Variants in FER observed in about 807,000 individuals in gnomAD.
The protein encoded by FER is tyrosine-protein kinase Fer.
FER carries 63 observed loss-of-function variants against 111.0 expected under a neutral mutation model. The ratio of observed to expected loss-of-function variants is 0.57; its 90% CI spans 0.46 to 0.70. FER has a LOEUF of 0.70. FER is among the 30% of genes least tolerant of loss of function. The pLI, the probability that FER is intolerant of heterozygous loss-of-function variation, is 0.00. For synonymous variants in FER, 327 were observed against 313.9 expected (o/e 1.04, Z -0.44); for missense variants, 914 against 954.0 (o/e 0.96, Z 0.55).
intron 13 of FER, among the ~76,000 whole-genome samples, chr5:109,003,441 G>A (rs1199537847): frequency 6.6e-6 from 1 of 152,098 alleles, no homozygotes. Context: ...ACAGGAAGGG[G>A]AACATCACAC....
At chr5:108,992,117 G>C (rs951183186) in intron 13 of FER, among the ~76,000 whole-genome samples, 1 of 152,026 alleles carries the variant, frequency 6.6e-6, no homozygotes, top group Non-Finnish European at 1.5e-5. Flanking sequence ...GTTTAACAAA[G>C]CACATCTTGC....
chr5:109,068,308 C>T (rs1267406570), intron 16 of FER, among the ~76,000 whole-genome samples: 2 of 151,966 alleles, frequency 1.3e-5, no homozygotes, highest in East Asian at 1.9e-4. Context: ...CTCAGCCTCC[C>T]GAGTAGCTGG....
rs182932313 is a variant in FER at position 108,935,475 on chromosome 5, C to T, written c.1237-10655C>T. Among the ~76,000 whole-genome samples, 189 of 152,218 alleles carry T rather than the reference C, an allele frequency of 1.2e-3. 1 individual carries two copies. Among genetic ancestry groups the T allele is most frequent in the South Asian group, 2.7e-3 (13 of 4,824 alleles). The stretch of plus-strand genomic sequence containing the variant: ...GTTGAGACCCTTGACTTAATTAAAT[C>T]TGCAAAACTTGCTTTTCCAAATAAG... On this transcript the variant is annotated intron_variant, in intron 10 of 19. Transcript: ENST00000281092.
chr5:108,908,166 A>G (rs1379152303), intron 10 of FER, among the ~76,000 whole-genome samples: 1 of 152,222 alleles, frequency 6.6e-6, no homozygotes, highest in Non-Finnish European at 1.5e-5. Flanking sequence ...ACTTTGGACT[A>G]TGATGATGTA....
At chr5:108,807,701 T>C (rs1406958384) in intron 3 of FER, among the ~76,000 whole-genome samples, 2 of 152,300 alleles carry the variant, frequency 1.3e-5, no homozygotes, top group Non-Finnish European at 2.9e-5. Flanking sequence ...CTTCTAGGTA[T>C]AGTATTAGAT....
chr5:108,763,037 T>A (rs1238299819), intron 1 of FER, among the ~76,000 whole-genome samples: 2 of 152,232 alleles, frequency 1.3e-5, no homozygotes, highest in Non-Finnish European at 2.9e-5. Flanking sequence ...GTTTGTTTCC[T>A]CTTTCTAGAA....
At chr5:108,871,572 C>A in intron 7 of FER, 70 bp downstream of exon 7, 1 of 1,154,972 alleles carries the variant, frequency 8.7e-7, no homozygotes, top group South Asian at 2.1e-5. Context: ...TAGTTAACCA[C>A]AGATAAAAAT....
At chr5:108,793,545 G>A (rs1266634411) in intron 2 of FER, among the ~76,000 whole-genome samples, 3 of 141,432 alleles carry the variant, frequency 2.1e-5, no homozygotes, top group African/African-American at 5.4e-5. Context: ...ATACCCAGCA[G>A]CGGGATTGCT....
At chr5:109,080,546 A>C (rs886233243) in intron 16 of FER, among the ~76,000 whole-genome samples, 1 of 152,114 alleles carries the variant, frequency 6.6e-6, no homozygotes, top group Admixed American at 6.6e-5. Flanking sequence ...TGATTCTTAC[A>C]AATTTTAGGT....
In FER at chr5:108,871,520, C is replaced by T; in HGVS notation, c.803+18C>T. On this transcript the variant is annotated intron_variant, in intron 7 of 19. Transcript: ENST00000281092. ...GTTCACAGGTATGACATGTTTATTC[C>T]TCTTTAAGGATTTATGACAGTATTA... 6.4e-7 allele frequency: 1 copy of T among 1,563,788 alleles called. No homozygotes were observed. The highest frequency in any genetic ancestry group is 1.2e-5 in the South Asian group (1 of 82,178).
rs569555118 is a variant in FER, at chr5:108,879,796, G to A, written c.924-3600G>A. On this transcript the variant is annotated intron_variant, in intron 8 of 19. Transcript: ENST00000281092. Reference sequence around the variant, plus strand: ...ACGATCTTGGGTCACTGTAACCTCCGCCTCTCAGGTTAAAGTGATTCTCCT... The same window carrying A: ...ACGATCTTGGGTCACTGTAACCTCCACCTCTCAGGTTAAAGTGATTCTCCT... Among the ~76,000 whole-genome samples, 14 of 149,008 alleles carry A rather than the reference G, an allele frequency of 9.4e-5. 1 individual carries two copies. Among genetic ancestry groups the A allele is most frequent in the Admixed American group, 2.0e-4 (3 of 14,880 alleles).
intron 4 of FER, among the ~76,000 whole-genome samples, chr5:108,835,019 G>A (rs73780593): frequency 0.017 from 2,598 of 152,148 alleles, 76 homozygotes; most frequent in African/African-American, 0.06. Flanking sequence ...TCCTTAAATT[G>A]CATTCAAATG....
At chr5:109,109,595 TA>T (rs1406925713) in intron 17 of FER, among the ~76,000 whole-genome samples, 2 of 152,138 alleles carry the variant, frequency 1.3e-5, no homozygotes, top group African/African-American at 4.8e-5. Flanking sequence ...AAGGCAAGGC[TA>T]CTTAAGTAGC....
chr5:108,924,606 T>C (rs954295358), intron 10 of FER: 1 of 1,230,892 alleles, frequency 8.1e-7, no homozygotes, highest in African/African-American at 1.6e-5. Flanking sequence ...GGAAGGTTTG[T>C]TGGTAAATTG....
intron 17 of FER, among the ~76,000 whole-genome samples, chr5:109,137,385 G>C (rs944605191): frequency 1.3e-5 from 2 of 152,222 alleles, no homozygotes; most frequent in Non-Finnish European, 2.9e-5. Flanking sequence ...GTTCTGCCAT[G>C]TTTGTTCCTA....
chr5:109,181,521 GA>G (rs546616465), intron 18 of FER, among the ~76,000 whole-genome samples: 12 of 150,218 alleles, frequency 8.0e-5, no homozygotes, highest in African/African-American at 2.2e-4. Context: ...GAATTTAAGA[GA>G]AAAAAAAAGT....
At chr5:109,161,961 G>A (rs1199702557) in intron 17 of FER, among the ~76,000 whole-genome samples, 8 of 152,114 alleles carry the variant, frequency 5.3e-5, no homozygotes, top group Non-Finnish European at 1.2e-4. Flanking sequence ...ATTCCGACTG[G>A]TGTGAGAGGG....
chr5:108,985,432 T>C (rs192156967), intron 13 of FER, among the ~76,000 whole-genome samples: 5 of 152,252 alleles, frequency 3.3e-5, no homozygotes, highest in East Asian at 1.9e-4. Flanking sequence ...AAGTTTTTTT[T>C]TCTCTCTTTC....
intron 9 of FER, among the ~76,000 whole-genome samples, chr5:108,892,080 G>A (rs1748178916): frequency 6.6e-6 from 1 of 152,176 alleles, no homozygotes; most frequent in African/African-American, 2.4e-5. Context: ...GGACATTTGG[G>A]TTGGTTCCAA....
Sources: gnomAD v4.1 joint callset for allele counts (sites outside exome capture counted in the v4.1 genomes callset) on GRCh38, gnomAD v4.1.1 for gene constraint, MANE v1.5 for transcripts, NCBI Gene and HGNC (gene_info 2026-07-23, HGNC 2026-07-21) for gene names.